GREB1: variants seen among roughly 807,000 people sequenced by gnomAD.
GREB1 encodes the protein growth regulating estrogen receptor binding 1.
Under a neutral mutation model 200.7 loss-of-function variants are expected in GREB1, and 106 were observed. The observed-to-expected ratio is 0.53, with a 90% confidence interval of 0.45 to 0.62. GREB1 has a LOEUF of 0.62. Ranked by LOEUF, GREB1 falls within the 20% of genes least tolerant of loss-of-function variation. The probability of loss-of-function intolerance (pLI) is 0.00; values close to 1 mark genes in which losing one functional copy is unlikely to be tolerated. For synonymous variants in GREB1, 1,132 were observed against 1,092.4 expected (o/e 1.04, Z -0.72); for missense variants, 2,243 against 2,556.8 (o/e 0.88, Z 2.65).
At chr2:11,625,133 A>G (rs746310749) in intron 23 of GREB1, 21 bp from the exon 24 acceptor site, 17 of 1,597,858 alleles carry the variant, frequency 1.1e-5, no homozygotes, top group Middle Eastern at 3.3e-4. Flanking sequence ...TGTCACATCT[A>G]TGTTTCTACC....
chr2:11,482,916 G>C (rs1163643963), intron 1 of GREB1, among the ~76,000 whole-genome samples: 7 of 151,324 alleles, frequency 4.6e-5, no homozygotes, highest in Non-Finnish European at 7.4e-5. Context: ...CGTCGGCGGC[G>C]GGCGCTCAGG....
At chr2:11,584,881 G>A in intron 7 of GREB1, 1 of 287,264 alleles carries the variant, frequency 3.5e-6, no homozygotes, top group Non-Finnish European at 6.5e-6. Context: ...CCGATCGGGT[G>A]TCCGCACTAA....
intron 29 of GREB1, 58 bp from the exon 30 acceptor site, chr2:11,635,212 G>C (rs1174682731): frequency 6.2e-7 from 1 of 1,605,868 alleles, no homozygotes; most frequent in Non-Finnish European, 8.5e-7. Context: ...GCTGGGGGCA[G>C]TGACGGAGGG....
At chr2:11,515,136 A>ATCCACCCC (rs199951206) in intron 1 of GREB1, among the ~76,000 whole-genome samples, 1 of 137,394 alleles carries the variant, frequency 7.3e-6, no homozygotes, top group Admixed American at 7.2e-5. Flanking sequence ...CCATCCATCC[A>ATCCACCCC]CCCACCCCCC....
At chr2:11,554,802 T>G (rs1397079431) in intron 1 of GREB1, among the ~76,000 whole-genome samples, 1 of 152,228 alleles carries the variant, frequency 6.6e-6, no homozygotes, top group African/African-American at 2.4e-5. Flanking sequence ...CCAGCAGGTA[T>G]ATGTCAAAAA....
intron 29 of GREB1, 55 bp downstream of exon 29, chr2:11,634,404 T>G: frequency 7.1e-7 from 1 of 1,411,096 alleles, no homozygotes; most frequent in Non-Finnish European, 9.9e-7. Flanking sequence ...CGCAGAGTCC[T>G]GAGTGAGGGC....
chr2:11,530,983 G>C (rs937823675), upstream of GREB1, among the ~76,000 whole-genome samples: 2 of 152,104 alleles, frequency 1.3e-5, no homozygotes, highest in Non-Finnish European at 2.9e-5. Context: ...GTACAAGGCT[G>C]CCCATCCCAG....
intron 23 of GREB1, among the ~76,000 whole-genome samples, chr2:11,621,974 G>A (rs970459022): frequency 6.6e-6 from 1 of 152,196 alleles, no homozygotes; most frequent in African/African-American, 2.4e-5. Context: ...TTTGAACCCA[G>A]TTTGTTCAGT....
intron 1 of GREB1, among the ~76,000 whole-genome samples, chr2:11,503,150 A>G (rs1327931408): frequency 2.0e-5 from 3 of 152,142 alleles, no homozygotes; most frequent in Non-Finnish European, 2.9e-5. Context: ...ACATGGCCCC[A>G]GACAGTAAAA....
intron 1 of GREB1, among the ~76,000 whole-genome samples, chr2:11,504,642 G>A (rs1293238026): frequency 6.6e-6 from 1 of 152,176 alleles, no homozygotes; most frequent in Non-Finnish European, 1.5e-5. Context: ...TTCACCTAGT[G>A]TAATGTTTTC....
chr2:11,577,675 C>A (rs1679019691), intron 5 of GREB1, among the ~76,000 whole-genome samples: 1 of 152,212 alleles, frequency 6.6e-6, no homozygotes, highest in South Asian at 2.1e-4. Context: ...CGCTCCCGGG[C>A]AGGTCCTGGG....
chr2:11,527,921 T>C (rs1161073724), intron 1 of GREB1, among the ~76,000 whole-genome samples: 1 of 152,228 alleles, frequency 6.6e-6, no homozygotes, highest in Non-Finnish European at 1.5e-5. Flanking sequence ...TTAAGACCTA[T>C]CAATATCCCT....
intron 1 of GREB1, among the ~76,000 whole-genome samples, chr2:11,495,272 G>A (rs1050653849): frequency 5.3e-5 from 8 of 152,118 alleles, no homozygotes; most frequent in South Asian, 4.1e-4. Context: ...AAGCTACACC[G>A]TAGCCTCAGA....
At chr2:11,630,447 A>G (rs913154323) in intron 26 of GREB1, among the ~76,000 whole-genome samples, 1 of 152,222 alleles carries the variant, frequency 6.6e-6, no homozygotes, top group Non-Finnish European at 1.5e-5. Context: ...CCGGAAGATA[A>G]CAGGAGCTGG....
At chr2:11,523,445 T>G (rs1673769531) in intron 1 of GREB1, among the ~76,000 whole-genome samples, 2 of 152,196 alleles carry the variant, frequency 1.3e-5, no homozygotes, top group Admixed American at 1.3e-4. Context: ...CACTTTTATT[T>G]TGGAAGCTAA....
At chr2:11,612,291 G>A (rs2148316880) in intron 18 of GREB1, 2 of 1,299,444 alleles carry the variant, frequency 1.5e-6, no homozygotes, top group East Asian at 3.6e-5. Context: ...TGCTCTGGCT[G>A]GCTAATCTCC....
chr2:11,585,510 G>A (rs1679989693), intron 8 of GREB1, among the ~76,000 whole-genome samples: 1 of 152,260 alleles, frequency 6.6e-6, no homozygotes, highest in Admixed American at 6.5e-5. Context: ...TGATCCTTGA[G>A]AAATTTTAAA....
At chr2:11,636,781 GGC>G (rs1685361707) in intron 30 of GREB1, among the ~76,000 whole-genome samples, 2 of 141,960 alleles carry the variant, frequency 1.4e-5, no homozygotes, top group African/African-American at 2.5e-5. Flanking sequence ...CAGGGGCAGG[GGC>G]ACGGGCATGG....
chr2:11,609,638 C>T (rs931797941), intron 17 of GREB1, among the ~76,000 whole-genome samples: 1 of 152,138 alleles, frequency 6.6e-6, no homozygotes, highest in Non-Finnish European at 1.5e-5. Flanking sequence ...TAATGGCAAG[C>T]TTGCCAGGCC....
Sources: allele counts gnomAD v4.1 joint callset (sites outside exome capture counted in the v4.1 genomes callset), GRCh38; gene constraint gnomAD v4.1.1; transcripts MANE v1.5; gene names NCBI Gene and HGNC (gene_info 2026-07-23, HGNC 2026-07-21).